RALGPS1: variants seen among roughly 807,000 people sequenced by gnomAD.
The protein encoded by RALGPS1 is ras-specific guanine nucleotide-releasing factor RalGPS1.
Under a neutral mutation model 78.8 loss-of-function variants are expected in RALGPS1, and 19 were observed. The observed-to-expected ratio is 0.24, with a 90% CI of 0.17 to 0.35. The LOEUF is 0.35. Among genes scored for constraint, RALGPS1 ranks in the 10% least tolerant of loss-of-function variants. The pLI is 1.00. For synonymous variants in RALGPS1, 228 were observed against 256.3 expected, an observed-to-expected ratio of 0.89 and a Z score of 1.06; for missense variants, 454 against 688.3, an observed-to-expected ratio of 0.66 and a Z score of 3.81.
chr9:127,210,936 G>C (rs1392521788), intron 14 of RALGPS1, among the ~76,000 whole-genome samples: 1 of 152,208 alleles, frequency 6.6e-6, no homozygotes, highest in Non-Finnish European at 1.5e-5. Flanking sequence ...GAGGAGGTGA[G>C]GGGCACTCAG....
At chr9:127,152,397 C>T (rs1292319447) in intron 8 of RALGPS1, among the ~76,000 whole-genome samples, 1 of 152,204 alleles carries the variant, frequency 6.6e-6, no homozygotes, top group Non-Finnish European at 1.5e-5. Context: ...TGAGCACACT[C>T]CAGTTCTTTT....
chr9:127,053,514 T>C (rs1243591489), intron 7 of RALGPS1, among the ~76,000 whole-genome samples: 1 of 152,244 alleles, frequency 6.6e-6, no homozygotes, highest in Non-Finnish European at 1.5e-5. Context: ...CTCCTTCGCT[T>C]GGCATAGTGC....
At chr9:127,039,180 G>A (rs895872282) in intron 5 of RALGPS1, among the ~76,000 whole-genome samples, 2 of 152,124 alleles carry the variant, frequency 1.3e-5, no homozygotes, top group East Asian at 3.9e-4. Context: ...GAGTACCTGA[G>A]GATTGCTGAC....
intron 11 of RALGPS1, among the ~76,000 whole-genome samples, chr9:127,180,885 T>G (rs906537247): frequency 7.2e-5 from 11 of 152,370 alleles, no homozygotes; most frequent in African/African-American, 2.6e-4. Flanking sequence ...CAGATGGGGC[T>G]TGAGCTACAA....
intron 4 of RALGPS1, among the ~76,000 whole-genome samples, chr9:127,001,436 G>A (rs189319640): frequency 6.6e-6 from 1 of 152,022 alleles, no homozygotes; most frequent in East Asian, 1.9e-4. Flanking sequence ...TTCAGTGGTT[G>A]GTTTAGGGTT....
At chr9:127,018,019 C>T (rs1255842015) in intron 4 of RALGPS1, among the ~76,000 whole-genome samples, 1 of 151,882 alleles carries the variant, frequency 6.6e-6, no homozygotes, top group Admixed American at 6.6e-5. Context: ...GAGTTTGAGA[C>T]CAGCCTGACC....
intron 8 of RALGPS1, among the ~76,000 whole-genome samples, chr9:127,161,586 C>A (rs2059022476): frequency 1.3e-5 from 2 of 152,156 alleles, no homozygotes. Flanking sequence ...AGACTGACCA[C>A]AGTGGACATG....
intron 8 of RALGPS1, among the ~76,000 whole-genome samples, chr9:127,132,357 C>T (rs1178317377): frequency 2.0e-5 from 3 of 152,184 alleles, no homozygotes; most frequent in African/African-American, 2.4e-5. Context: ...TCCTATAAAT[C>T]GTCTTGCAGA....
At chr9:127,197,386 C>G (rs934797312) in intron 13 of RALGPS1, among the ~76,000 whole-genome samples, 2 of 151,964 alleles carry the variant, frequency 1.3e-5, no homozygotes, top group Non-Finnish European at 2.9e-5. Context: ...GTCTGTGTGT[C>G]TGTGTGTCTG....
intron 8 of RALGPS1, among the ~76,000 whole-genome samples, chr9:127,116,210 G>A (rs931623001): frequency 2.0e-5 from 3 of 152,252 alleles, no homozygotes; most frequent in Non-Finnish European, 1.5e-5. Flanking sequence ...CTGGGGGTTC[G>A]AATCTGCCTG....
chr9:127,036,049 T>G (rs923738228), intron 5 of RALGPS1, among the ~76,000 whole-genome samples: 2 of 152,206 alleles, frequency 1.3e-5, no homozygotes, highest in Non-Finnish European at 2.9e-5. Flanking sequence ...TGTAATCTGC[T>G]TTGCATGTGG....
intron 11 of RALGPS1, among the ~76,000 whole-genome samples, chr9:127,182,326 C>T (rs2060281597): frequency 6.6e-6 from 1 of 151,006 alleles, no homozygotes; most frequent in South Asian, 2.1e-4. Context: ...TCCTTCCTTC[C>T]TTCCTGCCTT....
intron 9 of RALGPS1, among the ~76,000 whole-genome samples, chr9:127,167,326 C>T (rs1055163786): frequency 6.6e-6 from 1 of 152,190 alleles, no homozygotes; most frequent in Non-Finnish European, 1.5e-5. Context: ...GTAGGAGGCA[C>T]CTGTATTCCC....
At chr9:127,178,610 C>A in intron 11 of RALGPS1, 2 of 504,630 alleles carry the variant, frequency 4.0e-6, no homozygotes, top group Non-Finnish European at 5.1e-6. Context: ...ATCACCCCCA[C>A]CCCCAATCAG....
chr9:127,042,379 G>A (rs2047395230), intron 5 of RALGPS1, among the ~76,000 whole-genome samples: 3 of 151,966 alleles, frequency 2.0e-5, no homozygotes, highest in Admixed American at 6.6e-5. Context: ...ATCAATTAAT[G>A]TAATCCACTG....
intron 11 of RALGPS1, among the ~76,000 whole-genome samples, chr9:127,190,945 G>C (rs1250179424): frequency 2.6e-5 from 4 of 152,270 alleles, no homozygotes; most frequent in African/African-American, 9.6e-5. Context: ...GTAATAAAAA[G>C]ATATCTCCTT....
At chr9:126,919,314 G>A (rs1394716622) in intron 1 of RALGPS1, among the ~76,000 whole-genome samples, 1 of 152,152 alleles carries the variant, frequency 6.6e-6, no homozygotes, top group Non-Finnish European at 1.5e-5. Context: ...AGCAGTCATT[G>A]TTTAGAAGAC....
In RALGPS1 at chr9:126,958,143, AT is replaced by A. The variant is rs1274746805; in HGVS notation, c.-65-4081del. Among the ~76,000 whole-genome samples the A allele has an allele frequency of 7.8e-3, 351 of 44,952 alleles. 3 individuals carry two copies. The highest frequency in any genetic ancestry group is 0.044 in the South Asian group (48 of 1,088). 29.5% of individuals were successfully genotyped at this position (44,952 alleles called of 152,430 possible). On this transcript the variant is annotated intron_variant, in intron 1 of 18. Coordinates refer to ENST00000259351, the MANE Select transcript of RALGPS1 (RefSeq NM_014636.3). Reference sequence around the variant, plus strand: ...TGTCTCTTTAAAAAAAAAAAAAAAAATATATATATATATATACACACACACA... The same window carrying A: ...TGTCTCTTTAAAAAAAAAAAAAAAAAATATATATATATATACACACACACA...
Position 127,223,109 on chromosome 9 carries a change from ATACTT to A in RALGPS1, c.*4343_*4347del, listed in dbSNP as rs1476349572. On this transcript the variant is annotated 3_prime_UTR_variant, in exon 19 of 19. Coordinates refer to ENST00000259351, the MANE Select transcript of RALGPS1 (RefSeq NM_014636.3). ...TGATAATAATTATTTCACTAATTAA[ATACTT>A]TAATGTACAAACATCTTTGTTTACT... 1 of 152,676 alleles carries A rather than the reference ATACTT, an allele frequency of 6.5e-6. No homozygotes were observed. The highest frequency in any genetic ancestry group is 1.5e-5 in the Non-Finnish European group (1 of 68,046). 9.5% of individuals were successfully genotyped at this position (152,676 alleles called of 1,614,324 possible).
Sources: gnomAD v4.1 joint callset for allele counts (sites outside exome capture counted in the v4.1 genomes callset) on GRCh38, gnomAD v4.1.1 for gene constraint, MANE v1.5 for transcripts, NCBI Gene and HGNC (gene_info 2026-07-23, HGNC 2026-07-21) for gene names.